HECW2: variants seen among roughly 807,000 people sequenced by gnomAD.
HECW2 encodes the protein E3 ubiquitin-protein ligase HECW2.
In HECW2, 61 loss-of-function variants were observed where a neutral mutation model predicts 175.2. The ratio of observed to expected loss-of-function variants is 0.35; its 90% CI spans 0.28 to 0.43. HECW2 has a LOEUF of 0.43. HECW2 is among the 20% of genes least tolerant of loss of function. HECW2 has a pLI of 1.00. For synonymous variants in HECW2, 671 were observed against 731.0 expected (o/e 0.92, Z 1.32); for missense variants, 1,524 against 2,000.5 (o/e 0.76, Z 4.54).
chr2:196,408,242 G>A (rs1364087371), intron 2 of HECW2, among the ~76,000 whole-genome samples: 1 of 152,106 alleles, frequency 6.6e-6, no homozygotes, highest in East Asian at 1.9e-4. Context: ...TCTGAATGTG[G>A]GAGAAAAATG....
At chr2:196,447,571 A>C (rs1696222789) in intron 1 of HECW2, among the ~76,000 whole-genome samples, 1 of 152,234 alleles carries the variant, frequency 6.6e-6, no homozygotes, top group African/African-American at 2.4e-5. Flanking sequence ...ACAATTGGTA[A>C]CTTAAAGAGA....
intron 1 of HECW2, among the ~76,000 whole-genome samples, chr2:196,546,068 A>C (rs1689410916): frequency 6.6e-6 from 1 of 152,244 alleles, no homozygotes; most frequent in Admixed American, 6.5e-5. Context: ...TATTTCGAAC[A>C]CAAGGAGTTG....
At chr2:196,416,807 A>G (rs1258501317) in intron 2 of HECW2, among the ~76,000 whole-genome samples, 1 of 152,262 alleles carries the variant, frequency 6.6e-6, no homozygotes, top group Admixed American at 6.5e-5. Context: ...AAAACAGCCC[A>G]TAAACACAAG....
At chr2:196,243,532 C>T (rs185400395) in intron 19 of HECW2, among the ~76,000 whole-genome samples, 16 of 152,096 alleles carry the variant, frequency 1.1e-4, no homozygotes, top group East Asian at 3.9e-4. Context: ...ATATTTTATA[C>T]GTTATTCAAT....
At chr2:196,243,042 C>T (rs1447752897) in intron 19 of HECW2, among the ~76,000 whole-genome samples, 1 of 152,102 alleles carries the variant, frequency 6.6e-6, no homozygotes, top group African/African-American at 2.4e-5. Context: ...ATTTTAGACA[C>T]ATAATTACAT....
chr2:196,310,012 GCTTGAGGT>G (rs1691427517), intron 10 of HECW2, among the ~76,000 whole-genome samples: 1 of 152,202 alleles, frequency 6.6e-6, no homozygotes, highest in South Asian at 2.1e-4. Flanking sequence ...ACTATGGCTT[GCTTGAGGT>G]CTATATGTAT....
intron 1 of HECW2, among the ~76,000 whole-genome samples, chr2:196,563,695 T>G (rs1267570616): frequency 6.6e-6 from 1 of 152,180 alleles, no homozygotes; most frequent in Non-Finnish European, 1.5e-5. Flanking sequence ...CTGAATAATT[T>G]GTGCATCTAA....
In HECW2 at chr2:196,261,010, T is replaced by C. The variant is rs183428111; in HGVS notation, c.3336-3104A>G. On this transcript the variant is annotated intron_variant, in intron 17 of 28. Coordinates refer to ENST00000644978, the MANE Select transcript of HECW2 (RefSeq NM_001348768.2). ...ACTTCGGGTCCCATGTTTGTATTTA[T>C]AGGGCACTTGGTGCAAAGTGATCAG... Among the ~76,000 whole-genome samples, 43 of 152,326 alleles carry C rather than the reference T, an allele frequency of 2.8e-4. No individual in the cohort carries two copies. The South Asian group carries it at 4.6e-3, about 16-fold the overall frequency.
chr2:196,514,579 G>A (rs929477306), intron 1 of HECW2, among the ~76,000 whole-genome samples: 2 of 152,006 alleles, frequency 1.3e-5, no homozygotes, highest in African/African-American at 4.8e-5. Context: ...TTCCCGGCAC[G>A]CCCATGGCTA....
At chr2:196,265,001 T>C (rs542342560) in intron 17 of HECW2, among the ~76,000 whole-genome samples, 169 of 151,562 alleles carry the variant, frequency 1.1e-3, no homozygotes, top group East Asian at 7.3e-3. Flanking sequence ...CTTAATGATA[T>C]TGCCATGATA....
chr2:196,392,373 C>T (rs570216306), intron 2 of HECW2, among the ~76,000 whole-genome samples: 2 of 152,106 alleles, frequency 1.3e-5, no homozygotes, highest in South Asian at 4.2e-4. Flanking sequence ...ACTTTCGGTG[C>T]CAGGGCTGTG....
At chr2:196,482,993 A>G (rs1046591841) in intron 1 of HECW2, among the ~76,000 whole-genome samples, 1 of 151,706 alleles carries the variant, frequency 6.6e-6, no homozygotes, top group African/African-American at 2.4e-5. Flanking sequence ...TCGTTGGCTT[A>G]CCTCGAGAAA....
At chr2:196,578,978 T>C (rs1245937236) in intron 1 of HECW2, among the ~76,000 whole-genome samples, 1 of 152,162 alleles carries the variant, frequency 6.6e-6, no homozygotes, top group Non-Finnish European at 1.5e-5. Context: ...TTTCTTTTTA[T>C]CTAATTTAAA....
chr2:196,428,427 T>G (rs1695611597), intron 2 of HECW2, among the ~76,000 whole-genome samples: 1 of 152,210 alleles, frequency 6.6e-6, no homozygotes, highest in Non-Finnish European at 1.5e-5. Context: ...AGTATTAAAT[T>G]TGTGACTTAA....
intron 4 of HECW2, among the ~76,000 whole-genome samples, chr2:196,332,321 T>C (rs968405358): frequency 3.3e-5 from 5 of 152,202 alleles, no homozygotes; most frequent in South Asian, 2.1e-4. Context: ...TAGATGACCA[T>C]CATGCTATTA....
At chr2:196,404,254 G>C (rs6741423) in intron 2 of HECW2, among the ~76,000 whole-genome samples, 1 of 152,132 alleles carries the variant, frequency 6.6e-6, no homozygotes, top group Admixed American at 6.6e-5. Context: ...TAGTTAAAAA[G>C]CATAATTCTC....
intron 1 of HECW2, among the ~76,000 whole-genome samples, chr2:196,477,376 T>C (rs1205484807): frequency 6.6e-6 from 1 of 152,194 alleles, no homozygotes; most frequent in Non-Finnish European, 1.5e-5. Context: ...AAGTTAGAAA[T>C]TAATAGACCA....
At chr2:196,433,057 T>G (rs1008280147) in intron 2 of HECW2, 75 bp downstream of exon 2, 6 of 1,407,426 alleles carry the variant, frequency 4.3e-6, no homozygotes, top group African/African-American at 2.9e-5. Context: ...CAGAAGAAAA[T>G]ACAGAATGGT....
chr2:196,562,362 C>A (rs957680207), intron 1 of HECW2, among the ~76,000 whole-genome samples: 3 of 152,176 alleles, frequency 2.0e-5, no homozygotes, highest in African/African-American at 7.2e-5. Flanking sequence ...AGGAGGAATT[C>A]AGTATACTTT....
Sources: allele counts gnomAD v4.1 joint callset (sites outside exome capture counted in the v4.1 genomes callset), GRCh38; gene constraint gnomAD v4.1.1; transcripts MANE v1.5; gene names NCBI Gene and HGNC (gene_info 2026-07-23, HGNC 2026-07-21).